Variants in EFL1 observed in about 807,000 individuals in gnomAD.
EFL1 encodes the protein elongation factor like GTPase 1.
EFL1 carries 76 observed loss-of-function variants against 126.7 expected under a neutral mutation model. That is an observed-to-expected ratio of 0.60 (90% CI 0.50 to 0.73). The LOEUF (loss-of-function observed/expected upper bound fraction) is 0.73. Among genes scored for constraint, EFL1 ranks in the 30% least tolerant of loss-of-function variants. The pLI is 0.00. For missense variants in EFL1, 1,128 were observed against 1,343.2 expected (o/e 0.84, Z 2.50); for synonymous variants, 410 against 448.4 (o/e 0.91, Z 1.08).
rs145548566 is a variant in EFL1 at position 82,207,246 on chromosome 15, C to A, written c.1750+7471G>T. Among the ~76,000 whole-genome samples, 824 of 150,258 alleles carry A rather than the reference C, an allele frequency of 5.5e-3. 3 individuals are homozygous for A. The highest frequency in any genetic ancestry group is 0.012 in the Admixed American group (184 of 15,056). On this transcript the variant is annotated intron_variant, in intron 15 of 19. Transcript: ENST00000268206. The stretch of plus-strand genomic sequence containing the variant: ...CTTCCTTTTCATTATAAAAAACTAA[C>A]CCTAATCTCAAGGTAACATATATAT...
chr15:82,145,044 C>T (rs910579769), intron 18 of EFL1, among the ~76,000 whole-genome samples: 10 of 151,576 alleles, frequency 6.6e-5, no homozygotes, highest in African/African-American at 2.4e-4. Context: ...TGGCTCACGT[C>T]TGTAATACCA....
intron 15 of EFL1, among the ~76,000 whole-genome samples, chr15:82,168,828 C>G (rs1014278985): frequency 6.6e-6 from 1 of 152,198 alleles, no homozygotes; most frequent in African/African-American, 2.4e-5. Flanking sequence ...ACTTCAAGAT[C>G]TGTGGGCCCT....
intron 15 of EFL1, among the ~76,000 whole-genome samples, chr15:82,179,039 G>A (rs960769926): frequency 9.9e-5 from 15 of 152,140 alleles, no homozygotes; most frequent in Non-Finnish European, 2.1e-4. Context: ...AGCTACTTAG[G>A]AGACTGAGGC....
Position 82,220,116 on chromosome 15 carries a change from C to T in EFL1, c.1406G>A (p.Ser469Asn). 1 of 1,613,318 alleles carries T rather than the reference C, an allele frequency of 6.2e-7. No homozygotes were observed. Among genetic ancestry groups the T allele is most frequent in the African/African-American group, 1.3e-5 (1 of 74,960 alleles). The stretch of plus-strand genomic sequence containing the variant: ...TCCTTTTGGACATGTTTCAATGGCA[C>T]TCCCATCTTGGGTGGGCTCCAAGGG... ...QAPLEPTQDGSAIETCPKGEE... is the reference protein window; with the variant it reads ...QAPLEPTQDGNAIETCPKGEE... Residue 469 changes from serine (S) to asparagine (N), a missense_variant, in exon 13 of 20, where the codon AGT (serine) becomes AAT (asparagine). Physicochemically the swap from Ser to Asn is conservative, Grantham distance 46 (BLOSUM62 1). Transcript: ENST00000268206.
intron 18 of EFL1, among the ~76,000 whole-genome samples, chr15:82,145,659 C>G: frequency 6.6e-6 from 1 of 151,364 alleles, no homozygotes; most frequent in Admixed American, 6.6e-5. Context: ...AGGTGAAACC[C>G]CCATCTCTAC....
intron 7 of EFL1, among the ~76,000 whole-genome samples, chr15:82,237,485 C>T (rs1433098423): frequency 6.6e-6 from 1 of 152,168 alleles, no homozygotes; most frequent in African/African-American, 2.4e-5. Context: ...AACAGAATTG[C>T]TAAAATGAAA....
intron 12 of EFL1, among the ~76,000 whole-genome samples, chr15:82,224,075 T>C (rs2074738115): frequency 6.6e-6 from 1 of 152,162 alleles, no homozygotes; most frequent in African/African-American, 2.4e-5. Context: ...AGATAGGACA[T>C]TTGTTCAGAC....
chr15:82,261,248 T>C (rs1352183785), intron 2 of EFL1, among the ~76,000 whole-genome samples: 1 of 152,324 alleles, frequency 6.6e-6, no homozygotes, highest in East Asian at 1.9e-4. Flanking sequence ...CTGCTCCCCG[T>C]TAAAACCTCC....
chr15:82,160,979 A>T (rs1188715149), intron 16 of EFL1, among the ~76,000 whole-genome samples: 1 of 152,246 alleles, frequency 6.6e-6, no homozygotes, highest in East Asian at 1.9e-4. Flanking sequence ...GAAGAAAATA[A>T]TAATTGCTTT....
chr15:82,149,197 C>T (rs2073881923), intron 18 of EFL1, among the ~76,000 whole-genome samples: 2 of 151,762 alleles, frequency 1.3e-5, no homozygotes, highest in Admixed American at 6.6e-5. Flanking sequence ...TGTTGTAATG[C>T]TAATTATGTT....
intron 15 of EFL1, among the ~76,000 whole-genome samples, chr15:82,207,655 T>C (rs896287254): frequency 6.6e-6 from 1 of 151,990 alleles, no homozygotes; most frequent in African/African-American, 2.4e-5. Context: ...TGGTTACCCC[T>C]ATAGTAAGCA....
intron 15 of EFL1, among the ~76,000 whole-genome samples, chr15:82,185,218 TTCC>T (rs2074292101): frequency 6.8e-6 from 1 of 147,794 alleles, no homozygotes; most frequent in African/African-American, 2.5e-5. Context: ...TGTGTGTGCG[TTCC>T]TCAATTCACG....
chr15:82,227,174 C>T (rs1443592094), intron 11 of EFL1, among the ~76,000 whole-genome samples: 1 of 152,150 alleles, frequency 6.6e-6, no homozygotes, highest in African/African-American at 2.4e-5. Flanking sequence ...CCTACAAAGC[C>T]CAGAATGGGA....
Position 82,240,416 on chromosome 15 carries a change from A to C in EFL1, c.516+2T>G. On this transcript the variant is annotated splice_donor_variant, in intron 6 of 19. Transcript: ENST00000268206. LOFTEE classifies it high-confidence loss of function. ...TTTTTTAAATACTAAAAATTAAAAT[A>C]CCTGTTCTAAAATATTCTTGAGGTG... 6.4e-7 allele frequency: 1 copy of C among 1,572,692 alleles called. No individual in the cohort carries two copies. The highest frequency in any genetic ancestry group is 8.6e-7 in the Non-Finnish European group (1 of 1,158,944).
In EFL1 at chr15:82,230,933, C is replaced by T. The variant is rs780230145; in HGVS notation, c.770G>A (p.Gly257Asp). The change falls in exon 8 of 20, where the codon GGC becomes GAC. Residue 257 changes from glycine (G) to aspartate (D), a missense_variant. Physicochemically the swap from Gly to Asp is moderately conservative, Grantham distance 94. This residue lies in a region of EFL1 where 316 missense variants were observed against 318.5 expected (regional missense o/e 0.99). Coordinates refer to ENST00000268206, the MANE Select transcript of EFL1 (RefSeq NM_024580.6). Reference sequence around the variant, plus strand: ...TTTCATAAGAACTTCCTTTTTGATGCCAATTTTTTGACTGTAGATTCTGGC... The same window carrying T: ...TTTCATAAGAACTTCCTTTTTGATGTCAATTTTTTGACTGTAGATTCTGGC... ...HFARIYSQKI[G>D]IKKEVLMKTL... 1.7e-5 allele frequency: 27 copies of T among 1,613,018 alleles called. No homozygotes were observed. The highest frequency in any genetic ancestry group is 3.3e-5 in the Admixed American group (2 of 59,920).
In EFL1 at chr15:82,258,498, C is replaced by T. The variant is rs373747639; in HGVS notation, c.159+590G>A. On this transcript the variant is annotated intron_variant, in intron 3 of 19. Transcript: ENST00000268206. The stretch of plus-strand genomic sequence containing the variant: ...CCCAACAGGGCGAGGTTGCAGTGAG[C>T]CGTGCATGATCACACCACTGCACTC... Among the ~76,000 whole-genome samples the T allele has an allele frequency of 4.4e-4, 67 of 152,272 alleles. 1 individual carries two copies. In the Middle Eastern group the frequency reaches 0.017, roughly 39 times the overall value.
intron 11 of EFL1, among the ~76,000 whole-genome samples, chr15:82,225,689 A>T (rs898693209): frequency 1.2e-4 from 19 of 152,244 alleles, no homozygotes; most frequent in Admixed American, 3.3e-4. Context: ...TAGCTTTCCC[A>T]ATCCCCCACA....
At position 82,138,688 on chromosome 15, in the gene EFL1, G is replaced by A. The variant is rs748608478; in HGVS notation, c.3144C>T (p.Ala1048=). ...AATGGCTGAATACTAGTTGTGGGCT[G>A]GCCAGGCCACTTGTCCTCTTCCTGA... ...DEIRKRTSGL[A]SPQLVFSHWE... The change falls in exon 19 of 20, where the codon GCC becomes GCT. Residue 1048 remains alanine (A), a synonymous_variant. Transcript: ENST00000268206. The A allele has an allele frequency of 1.9e-6, 3 of 1,613,938 alleles. No homozygotes were observed. Among genetic ancestry groups the A allele is most frequent in the Non-Finnish European group, 2.5e-6 (3 of 1,179,874 alleles).
At chr15:82,172,196 G>A (rs1407711215) in intron 15 of EFL1, among the ~76,000 whole-genome samples, 1 of 152,132 alleles carries the variant, frequency 6.6e-6, no homozygotes, top group African/African-American at 2.4e-5. Flanking sequence ...GCAGTTATGT[G>A]CAGAAAAAGT....
Sources: gnomAD v4.1 joint callset for allele counts (sites outside exome capture counted in the v4.1 genomes callset) on GRCh38, gnomAD v4.1.1 for gene constraint, gnomAD v4.1.1 regional missense constraint, MANE v1.5 for transcripts, NCBI Gene and HGNC (gene_info 2026-07-23, HGNC 2026-07-21) for gene names.